The following PHF21B variants were observed in gnomAD, a reference collection of about 807,000 sequenced individuals.
The protein encoded by PHF21B is PHD finger protein 21B.
A neutral mutation model predicts 62.2 loss-of-function variants in PHF21B; 22 were observed. The observed-to-expected ratio is 0.35, with a 90% confidence interval of 0.25 to 0.51. PHF21B has a LOEUF of 0.51. Ranked by LOEUF, PHF21B falls within the 20% of genes least tolerant of loss-of-function variation. The pLI is 0.97. For synonymous variants in PHF21B, 341 were observed against 314.7 expected, an observed-to-expected ratio of 1.08 and a Z score of -0.88; for missense variants, 701 against 707.9, an observed-to-expected ratio of 0.99 and a Z score of 0.11.
intron 2 of PHF21B, among the ~76,000 whole-genome samples, chr22:44,965,788 G>C (rs2072513886): frequency 6.6e-6 from 1 of 152,138 alleles, no homozygotes; most frequent in Non-Finnish European, 1.5e-5. Context: ...CCAGGCAATG[G>C]GGCGGACGGG....
At chr22:44,940,396 T>C (rs776067914) in intron 2 of PHF21B, among the ~76,000 whole-genome samples, 1 of 152,250 alleles carries the variant, frequency 6.6e-6, no homozygotes, top group Non-Finnish European at 1.5e-5. Flanking sequence ...CCCTTGTCCA[T>C]GCAGTCCTCC....
At chr22:44,884,134 TTATCACCAC>T (rs2070794237) in intron 12 of PHF21B, among the ~76,000 whole-genome samples, 3 of 63,562 alleles carry the variant, frequency 4.7e-5, no homozygotes, top group East Asian at 5.0e-4. Flanking sequence ...ATGATCACCA[TTATCACCAC>T]CACCACCATC....
At chr22:44,893,900 G>A (rs1290865629) in intron 6 of PHF21B, among the ~76,000 whole-genome samples, 2 of 152,254 alleles carry the variant, frequency 1.3e-5, no homozygotes, top group African/African-American at 4.8e-5. Flanking sequence ...CTGGTCCAGT[G>A]AGCTGCAGGG....
chr22:44,899,803 T>C (rs1409230566), intron 5 of PHF21B, among the ~76,000 whole-genome samples: 2 of 152,232 alleles, frequency 1.3e-5, no homozygotes, highest in East Asian at 3.8e-4. Flanking sequence ...GTTACTGTGT[T>C]GCTATGAAGA....
At position 44,914,669 on chromosome 22, in the gene PHF21B, A is replaced by AT. The variant is rs202136363; in HGVS notation, c.565-582dup. ...GGGGCACAGGTGGGAATAACATTCT[A>AT]TTTTTTTTCACTGCCATGAGGCCCC... On this transcript the variant is annotated intron_variant, in intron 4 of 12. Coordinates refer to ENST00000313237, the MANE Select transcript of PHF21B (RefSeq NM_138415.5). Among the ~76,000 whole-genome samples the AT allele has an allele frequency of 7.8e-3, 1,185 of 151,996 alleles. 6 individuals carry two copies. The highest frequency in any genetic ancestry group is 0.011 in the Non-Finnish European group (744 of 67,944).
At chr22:44,886,676 G>A (rs2070864639) in intron 10 of PHF21B, among the ~76,000 whole-genome samples, 1 of 150,410 alleles carries the variant, frequency 6.6e-6, no homozygotes, top group Admixed American at 6.6e-5. Context: ...AACAGAGCAA[G>A]ACCCTGTCTA....
intron 9 of PHF21B, among the ~76,000 whole-genome samples, 153 bp downstream of exon 9, chr22:44,889,607 G>T (rs2070924265): frequency 6.6e-6 from 1 of 152,232 alleles, no homozygotes; most frequent in African/African-American, 2.4e-5. Flanking sequence ...CTGGCTGAGT[G>T]TTGCACAAAG....
intron 8 of PHF21B, 39 bp downstream of exon 8, chr22:44,891,267 C>A (rs1245779243): frequency 1.2e-6 from 2 of 1,610,414 alleles, no homozygotes; most frequent in Non-Finnish European, 1.7e-6. Flanking sequence ...CCCCGCGGCC[C>A]TGAGCAGCTC....
In PHF21B at chr22:45,009,768, C is replaced by T. The variant is rs1283014841; in HGVS notation, c.-219G>A. 7 of 323,652 alleles carry T rather than the reference C, an allele frequency of 2.2e-5. No homozygotes were observed. The South Asian group carries it at 4.0e-4, about 19-fold the overall frequency. 20.0% of individuals were successfully genotyped at this position (323,652 alleles called of 1,614,324 possible). ...CGCCGAGCCCTCGGCTGCCCCAACT[C>T]CTCAGGCTGCCCGGCAAGTTGCGCC... On this transcript the variant is annotated 5_prime_UTR_variant, in exon 1 of 13. Transcript: ENST00000313237. The surrounding 1 kb of genome is among the most constrained non-coding windows in gnomAD (Gnocchi z 5.9).
chr22:44,969,744 C>G (rs1392402507), intron 2 of PHF21B, among the ~76,000 whole-genome samples: 1 of 152,182 alleles, frequency 6.6e-6, no homozygotes, highest in African/African-American at 2.4e-5. Flanking sequence ...GGGGGCCCAG[C>G]TGGCTCAGCA....
Position 45,009,028 on chromosome 22 carries a change from A to C in PHF21B, c.55-418T>G, listed in dbSNP as rs1341500359. ...GCGTCCTAATCTCCCCAACACACAC[A>C]CGCGCACGCCGAGCCCCGCTCAGGC... is the stretch of plus-strand genomic sequence containing the variant. On this transcript the variant is annotated intron_variant, in intron 1 of 12. Coordinates refer to ENST00000313237, the MANE Select transcript of PHF21B (RefSeq NM_138415.5). This position sits in a 1 kb window ranked among gnomAD's most constrained non-coding sequence, Gnocchi z 5.9. 32 of 1,128,236 alleles carry C rather than the reference A, an allele frequency of 2.8e-5. No homozygotes were observed. Among genetic ancestry groups the C allele is most frequent in the Non-Finnish European group, 3.5e-5 (32 of 921,766 alleles). The allele number at this position is 1,128,236 out of a possible 1,614,324, so 69.9% of individuals were successfully genotyped here.
intron 2 of PHF21B, among the ~76,000 whole-genome samples, chr22:44,928,885 C>T (rs983368429): frequency 2.0e-5 from 3 of 152,202 alleles, no homozygotes; most frequent in African/African-American, 4.8e-5. Context: ...AGGCCCCCCA[C>T]CCCTCACCGC....
Position 44,896,888 on chromosome 22 carries a change from T to TTTTTTTGTTTTG in PHF21B, c.832-806_832-805insCAAAACAAAAAA, listed in dbSNP as rs1281622695. 4.3e-4 allele frequency among the ~76,000 whole-genome samples: 62 copies of TTTTTTTGTTTTG among 143,478 alleles called. 4 individuals are homozygous for TTTTTTTGTTTTG. The highest frequency in any genetic ancestry group is 6.9e-3 in the Middle Eastern group (2 of 288). 94.1% of individuals were successfully genotyped at this position (143,478 alleles called of 152,430 possible). On this transcript the variant is annotated intron_variant, in intron 5 of 12. Transcript: ENST00000313237. ...GGCACTTAGTTTTATCTGTTTTTTT[T>TTTTTTTGTTTTG]TTTTTTTTGAGACAGGTTCTCACTC...
intron 2 of PHF21B, among the ~76,000 whole-genome samples, chr22:44,929,128 A>G (rs894009528): frequency 4.6e-5 from 7 of 152,244 alleles, no homozygotes; most frequent in Non-Finnish European, 1.0e-4. Flanking sequence ...AACTGCTGTG[A>G]TGTGTGGCAA....
intron 5 of PHF21B, among the ~76,000 whole-genome samples, chr22:44,905,544 T>G (rs1288746758): frequency 6.6e-6 from 1 of 152,236 alleles, no homozygotes; most frequent in Non-Finnish European, 1.5e-5. Flanking sequence ...AAATGTTGAT[T>G]TCATTGATCG....
chr22:44,934,928 G>A (rs1172508491), intron 2 of PHF21B, among the ~76,000 whole-genome samples: 1 of 152,202 alleles, frequency 6.6e-6, no homozygotes, highest in Non-Finnish European at 1.5e-5. Flanking sequence ...CCCTCGCTGA[G>A]ACCTTCCAGG....
intron 2 of PHF21B, among the ~76,000 whole-genome samples, chr22:44,950,690 C>T (rs1211385314): frequency 6.6e-6 from 1 of 152,064 alleles, no homozygotes; most frequent in Non-Finnish European, 1.5e-5. Context: ...AGCCAGTGGT[C>T]ACATATTATG....
chr22:45,002,207 A>G (rs1231305622), intron 2 of PHF21B, among the ~76,000 whole-genome samples: 1 of 152,252 alleles, frequency 6.6e-6, no homozygotes, highest in Non-Finnish European at 1.5e-5. Context: ...GTATTGACAT[A>G]TATCAATATA....
intron 2 of PHF21B, among the ~76,000 whole-genome samples, chr22:44,972,309 CT>C (rs1354617596): frequency 6.6e-6 from 1 of 152,198 alleles, no homozygotes; most frequent in East Asian, 1.9e-4. Flanking sequence ...TTTCTTTTGA[CT>C]TTGGTAAAAT....
Sources: gnomAD v4.1 joint callset for allele counts (sites outside exome capture counted in the v4.1 genomes callset) on GRCh38, gnomAD v4.1.1 for gene constraint, Gnocchi (gnomAD v3.1) non-coding constraint, MANE v1.5 for transcripts, NCBI Gene and HGNC (gene_info 2026-07-23, HGNC 2026-07-21) for gene names.